The following DMXL2 variants were observed in gnomAD, a reference collection of about 807,000 sequenced individuals.
DMXL2 encodes the protein Dmx like 2.
A neutral mutation model predicts 331.1 loss-of-function variants in DMXL2; 103 were observed. The ratio of observed to expected loss-of-function variants is 0.31; its 90% CI spans 0.27 to 0.37. The LOEUF (loss-of-function observed/expected upper bound fraction) is 0.37, where lower values mean the gene tolerates loss of function less well. Ranked by LOEUF, DMXL2 falls within the 10% of genes least tolerant of loss-of-function variation. The pLI, the probability that DMXL2 is intolerant of heterozygous loss-of-function variation, is 1.00. For missense variants in DMXL2, 3,171 were observed against 3,642.9 expected, an observed-to-expected ratio of 0.87 and a Z score of 3.33; for synonymous variants, 1,281 against 1,252.1, an observed-to-expected ratio of 1.02 and a Z score of -0.49.
intron 27 of DMXL2, among the ~76,000 whole-genome samples, chr15:51,475,032 A>G (rs552618500): frequency 6.6e-6 from 1 of 152,336 alleles, no homozygotes; most frequent in African/African-American, 2.4e-5. Context: ...AAAAAAAGTA[A>G]CTTTACAATG....
chr15:51,517,202 C>A (rs756501469), intron 13 of DMXL2, 35 bp from the exon 14 acceptor site: 3 of 1,477,356 alleles, frequency 2.0e-6, no homozygotes, highest in East Asian at 2.3e-5. Context: ...TAATGGCCAA[C>A]AAATTATAAT....
chr15:51,506,867 G>T (rs1484320874), intron 16 of DMXL2, among the ~76,000 whole-genome samples: 1 of 151,996 alleles, frequency 6.6e-6, no homozygotes, highest in Non-Finnish European at 1.5e-5. Flanking sequence ...CAGTCATAAT[G>T]TACACTCAAT....
intron 1 of DMXL2, 77 bp from the exon 2 acceptor site, chr15:51,576,258 T>A (rs889812802): frequency 1.9e-5 from 21 of 1,121,434 alleles, no homozygotes; most frequent in Non-Finnish European, 2.3e-5. Flanking sequence ...TACTATTTTA[T>A]CTTAGATTTT....
Position 51,545,786 on chromosome 15 carries a change from A to C in DMXL2, c.747-20T>G. The C allele has an allele frequency of 6.3e-7, 1 of 1,594,466 alleles. No individual in the cohort carries two copies. Among genetic ancestry groups the C allele is most frequent in the Non-Finnish European group, 8.6e-7 (1 of 1,167,322 alleles). On this transcript the variant is annotated intron_variant, in intron 7 of 43. Transcript: ENST00000560891. ...GAACCCCTAACAACAAAGAGAAATAAATAAAGGTTAATGTGAATATCAATC... is the reference window on the plus strand; with the variant it reads ...GAACCCCTAACAACAAAGAGAAATACATAAAGGTTAATGTGAATATCAATC...
rs1215439318 is a variant in DMXL2, at chr15:51,481,651, A to G, written c.5483-28T>C. 2.6e-6 allele frequency: 4 copies of G among 1,510,708 alleles called. No homozygotes were observed. The Admixed American group carries it at 9.1e-5, about 34-fold the overall frequency. The allele number at this position is 1,510,708 out of a possible 1,614,324, so 93.6% of individuals were successfully genotyped here. A position where few individuals can be genotyped will look rare whatever the true frequency, so the allele number is the denominator to read the frequency against. ...ATAGAAATCAAACAGATAAAATCAC[A>G]AAGCATTGTGTTAATATGTATTTAC... is the stretch of plus-strand genomic sequence containing the variant. On this transcript the variant is annotated intron_variant, in intron 23 of 43. Transcript: ENST00000560891.
chr15:51,507,191 T>C lies in DMXL2; in HGVS notation c.2707A>G (p.Asn903Asp), dbSNP rs16953073. Reference protein sequence around the residue: ...FLVVIEKDSNNNSILHMWHLH... With the variant: ...FLVVIEKDSNDNSILHMWHLH... Reference sequence around the variant, plus strand: ...TGCCACATATGCAGAATAGAGTTATTATTGCTGTCCTTCTCAATTACTACT... The same window carrying C: ...TGCCACATATGCAGAATAGAGTTATCATTGCTGTCCTTCTCAATTACTACT... Residue 903 changes from asparagine (N) to aspartate (D), a missense_variant, in exon 16 of 44, where the codon AAT becomes GAT. By Grantham distance (23) the Asn-to-Asp change is conservative. This residue lies in a region of DMXL2 where 1,674 missense variants were observed against 1,780.2 expected (regional missense o/e 0.94). Coordinates refer to ENST00000560891, the MANE Select transcript of DMXL2 (RefSeq NM_001378457.1). The C allele has an allele frequency of 9.5e-4, 1,524 of 1,611,372 alleles. 12 individuals are homozygous for C. The African/African-American group carries it at 0.018, about 19-fold the overall frequency.
chr15:51,564,027 T>C (rs2050125312), intron 5 of DMXL2, 98 bp downstream of exon 5: 4 of 1,347,074 alleles, frequency 3.0e-6, no homozygotes, highest in East Asian at 2.6e-5. Context: ...CTAAATGCAA[T>C]GGTACCATCA....
At chr15:51,464,503 C>G (rs1336499697) in intron 32 of DMXL2, among the ~76,000 whole-genome samples, 172 bp downstream of exon 32, 1 of 152,102 alleles carries the variant, frequency 6.6e-6, no homozygotes, top group East Asian at 1.9e-4. Flanking sequence ...ACAGATAATA[C>G]TGGGAAAAAT....
intron 3 of DMXL2, chr15:51,567,375 C>G (rs1266614119): frequency 2.0e-5 from 3 of 151,892 alleles, no homozygotes; most frequent in Non-Finnish European, 4.4e-5. Flanking sequence ...GGGGACTCAT[C>G]AGTGAAAAAA....
In DMXL2 at chr15:51,474,464, A is replaced by C. The variant is rs2041396679; in HGVS notation, c.7093T>G (p.Ser2365Ala). Reference sequence around the variant, plus strand: ...GCAAGCCGAAATAATTCACTGGAGGAATTTGTGGCAAGAGCATGTATCAAT... The same window carrying C: ...GCAAGCCGAAATAATTCACTGGAGGCATTTGTGGCAAGAGCATGTATCAAT... ...SLLIHALATN[S>A]SSELFRLAAH... The change falls in exon 28 of 44, where the codon TCC becomes GCC. Residue 2365 changes from serine (S) to alanine (A), a missense_variant. This residue lies in a region of DMXL2 where 766 missense variants were observed against 940.5 expected (regional missense o/e 0.81). Coordinates refer to ENST00000560891, the MANE Select transcript of DMXL2 (RefSeq NM_001378457.1). 1.2e-6 allele frequency: 2 copies of C among 1,614,162 alleles called. No individual in the cohort carries two copies. The highest frequency in any genetic ancestry group is 1.7e-6 in the Non-Finnish European group (2 of 1,180,006).
At chr15:51,489,665 A>AAAAG (rs1202446144) in intron 20 of DMXL2, among the ~76,000 whole-genome samples, 4 of 152,112 alleles carry the variant, frequency 2.6e-5, no homozygotes, top group South Asian at 2.1e-4. Context: ...AAAGAAAAAA[A>AAAAG]AAAGAAAGAA....
chr15:51,461,614 G>A (rs542444136), intron 33 of DMXL2, among the ~76,000 whole-genome samples: 1 of 152,180 alleles, frequency 6.6e-6, no homozygotes, highest in Non-Finnish European at 1.5e-5. Flanking sequence ...AGTGGTGTGT[G>A]ATCTCAGCTC....
rs1324565810 is a variant in DMXL2 at position 51,542,517 on chromosome 15, A to G, written c.931-10T>C. On this transcript the variant is annotated splice_polypyrimidine_tract_variant and intron_variant, in intron 8 of 43. Coordinates refer to ENST00000560891, the MANE Select transcript of DMXL2 (RefSeq NM_001378457.1). ...TCAAATGGTGTATTGTCTAAAATAGAAAAATAGTTGCTGAGTCCAACTCTG... is the reference window on the plus strand; with the variant it reads ...TCAAATGGTGTATTGTCTAAAATAGGAAAATAGTTGCTGAGTCCAACTCTG... 1 of 1,598,000 alleles carries G rather than the reference A, an allele frequency of 6.3e-7. No individual in the cohort carries two copies. The highest frequency in any genetic ancestry group is 1.7e-5 in the Admixed American group (1 of 58,994).
chr15:51,534,430 C>G (rs756756022), intron 13 of DMXL2, among the ~76,000 whole-genome samples: 1 of 152,158 alleles, frequency 6.6e-6, no homozygotes, highest in Non-Finnish European at 1.5e-5. Context: ...AGAACTAGCA[C>G]TAGCAAGTAG....
At chr15:51,528,602 C>T (rs900809903) in intron 13 of DMXL2, among the ~76,000 whole-genome samples, 2 of 152,138 alleles carry the variant, frequency 1.3e-5, no homozygotes, top group African/African-American at 4.8e-5. Flanking sequence ...ATGCACCCAA[C>T]ACTGGGGCAC....
intron 39 of DMXL2, 88 bp downstream of exon 39, chr15:51,455,978 A>C: frequency 5.4e-6 from 8 of 1,468,978 alleles, no homozygotes; most frequent in Non-Finnish European, 7.5e-6. Flanking sequence ...GGGTCACTGA[A>C]TTCATTTTTC....
At chr15:51,610,036 C>T (rs973576640) in intron 1 of DMXL2, among the ~76,000 whole-genome samples, 1 of 151,764 alleles carries the variant, frequency 6.6e-6, no homozygotes. Context: ...CATTGTTAAT[C>T]AATGCATCAC....
At position 51,537,700 on chromosome 15, in the gene DMXL2, C is replaced by T; in HGVS notation, c.1405G>A (p.Glu469Lys). 1 of 1,613,824 alleles carries T rather than the reference C, an allele frequency of 6.2e-7. No individual in the cohort carries two copies. Among genetic ancestry groups the T allele is most frequent in the African/African-American group, 1.3e-5 (1 of 75,032 alleles). The change falls in exon 11 of 44, where the codon GAA (glutamate) becomes AAA (lysine). Residue 469 changes from glutamate (E) to lysine (K), a missense_variant. Physicochemically the swap from Glu to Lys is moderately conservative, Grantham distance 56 (BLOSUM62 1). Around this residue, in one of 7 missense-constraint regions of DMXL2, gnomAD observed 1,674 missense variants for 1,780.2 expected, o/e 0.94. Transcript: ENST00000560891. ...GTGSSEHEDG[E>K]REGSPRTYSR... ...TAAGTTCTAGGACTTCCTTCTCTTT[C>T]TCCATCTTCATGTTCTGATGATCCT...
chr15:51,609,023 A>C (rs1377329131), intron 1 of DMXL2, among the ~76,000 whole-genome samples: 1 of 152,244 alleles, frequency 6.6e-6, no homozygotes, highest in Admixed American at 6.5e-5. Context: ...AAGGGAGTTA[A>C]AAAGCAATAC....
Sources: allele counts gnomAD v4.1 joint callset (sites outside exome capture counted in the v4.1 genomes callset), GRCh38; gene constraint gnomAD v4.1.1; regional missense constraint gnomAD v4.1.1; transcripts MANE v1.5; gene names NCBI Gene and HGNC (gene_info 2026-07-23, HGNC 2026-07-21).